The following SRPK2 variants were observed in gnomAD, a reference collection of about 807,000 sequenced individuals.
SRPK2 encodes SFRS protein kinase 2.
A neutral mutation model predicts 90.8 loss-of-function variants in SRPK2; 21 were observed. The observed-to-expected ratio is 0.23, with a 90% CI of 0.16 to 0.33. The LOEUF is 0.33. Among genes scored for constraint, SRPK2 ranks in the 10% least tolerant of loss-of-function variants. SRPK2 has a pLI of 1.00. For missense variants in SRPK2, 620 were observed against 869.0 expected, an observed-to-expected ratio of 0.71 and a Z score of 3.60; for synonymous variants, 288 against 311.1, an observed-to-expected ratio of 0.93 and a Z score of 0.78.
At position 105,317,627 on chromosome 7, in the gene SRPK2, C is replaced by A. The variant is rs1192732400; in HGVS notation, c.71+71021G>T. On this transcript the variant is annotated intron_variant, in intron 2 of 15. Coordinates refer to ENST00000393651, the MANE Select transcript of SRPK2 (RefSeq NM_182692.3). ...GGTTGAATATTTTCTTCATATATTT[C>A]AACAAAAATAACATATCACAACAGA... Among the ~76,000 whole-genome samples the A allele has an allele frequency of 2.6e-5, 4 of 152,196 alleles. No homozygotes were observed. The South Asian group carries it at 6.2e-4, about 24-fold the overall frequency.
At chr7:105,316,327 C>T (rs936443242) in intron 2 of SRPK2, among the ~76,000 whole-genome samples, 1 of 152,108 alleles carries the variant, frequency 6.6e-6, no homozygotes, top group Non-Finnish European at 1.5e-5. Context: ...AATTACTGTG[C>T]ATTAAGGCCT....
intron 3 of SRPK2, among the ~76,000 whole-genome samples, chr7:105,188,986 AG>A (rs1448036846): frequency 6.6e-6 from 1 of 152,138 alleles, no homozygotes; most frequent in Non-Finnish European, 1.5e-5. Flanking sequence ...GGGTGGAGGG[AG>A]GAAGGGACAG....
chr7:105,207,737 T>C (rs1796386499), intron 2 of SRPK2, among the ~76,000 whole-genome samples: 1 of 152,166 alleles, frequency 6.6e-6, no homozygotes, highest in Non-Finnish European at 1.5e-5. Flanking sequence ...TTCACGACCT[T>C]AGGTTAGGCA....
chr7:105,346,771 AACAACAACAAACCC>A (rs1447700946), intron 2 of SRPK2, among the ~76,000 whole-genome samples: 2 of 151,620 alleles, frequency 1.3e-5, no homozygotes, highest in African/African-American at 4.8e-5. Flanking sequence ...AAAAACAAGC[AACAACAACAAACCC>A]ACAAAAGCCA....
intron 2 of SRPK2, among the ~76,000 whole-genome samples, chr7:105,262,727 G>A (rs60919814): frequency 0.047 from 7,136 of 152,174 alleles, 261 homozygotes; most frequent in East Asian, 0.14. Context: ...CTCATGTTCA[G>A]AAATAGTCCA....
intron 2 of SRPK2, among the ~76,000 whole-genome samples, chr7:105,299,804 G>C (rs1257730838): frequency 6.6e-6 from 1 of 152,162 alleles, no homozygotes; most frequent in African/African-American, 2.4e-5. Flanking sequence ...TGAGGCAGGA[G>C]AATCGCTTGA....
intron 2 of SRPK2, among the ~76,000 whole-genome samples, chr7:105,226,653 C>G (rs949595773): frequency 6.6e-6 from 1 of 151,986 alleles, no homozygotes; most frequent in Non-Finnish European, 1.5e-5. Flanking sequence ...AAAAGAAGGC[C>G]TTTTTTCAAG....
chr7:105,189,225 C>G (rs949814299), intron 3 of SRPK2: 2 of 154,112 alleles, frequency 1.3e-5, no homozygotes, highest in African/African-American at 4.8e-5. Context: ...TCTACTCCAC[C>G]CTCATTCTTC....
chr7:105,126,063 C>A (rs1475587610), intron 15 of SRPK2, among the ~76,000 whole-genome samples, 185 bp downstream of exon 15: 1 of 152,168 alleles, frequency 6.6e-6, no homozygotes, highest in Non-Finnish European at 1.5e-5. Flanking sequence ...GGCTGGTGAA[C>A]AGGGTGACCG....
intron 3 of SRPK2, among the ~76,000 whole-genome samples, chr7:105,171,561 T>C (rs1193760336): frequency 1.3e-5 from 2 of 152,250 alleles, no homozygotes; most frequent in Non-Finnish European, 2.9e-5. Context: ...TTATAGGAAG[T>C]ATCTAACCAG....
rs1791040952 is a variant in SRPK2, at chr7:105,170,999, A to AAGAAAGAAAGAAAG, written c.230-1748_230-1735dup. On this transcript the variant is annotated intron_variant, in intron 3 of 15. Coordinates refer to ENST00000393651, the MANE Select transcript of SRPK2 (RefSeq NM_182692.3). ...AAAGAGAAAGAAAGAAAGAAAGAGA[A>AAGAAAGAAAGAAAG]AGAAAGAAAGAAAGAGAGGAAGGAA... is the stretch of plus-strand genomic sequence containing the variant. Among the ~76,000 whole-genome samples the AAGAAAGAAAGAAAG allele has an allele frequency of 2.3e-5, 3 of 130,158 alleles. 1 individual carries two copies. The highest frequency in any genetic ancestry group is 5.3e-5 in the Non-Finnish European group (3 of 57,050). 85.4% of individuals were successfully genotyped at this position (130,158 alleles called of 152,430 possible). A position where few individuals can be genotyped will look rare whatever the true frequency, so the allele number is the denominator to read the frequency against.
intron 2 of SRPK2, among the ~76,000 whole-genome samples, chr7:105,352,131 C>T (rs1043149674): frequency 3.3e-5 from 5 of 152,144 alleles, no homozygotes; most frequent in African/African-American, 7.2e-5. Context: ...TTTAACTCTT[C>T]ACCACTGTTT....
chr7:105,179,707 C>T (rs1222186270), intron 3 of SRPK2, among the ~76,000 whole-genome samples: 1 of 150,796 alleles, frequency 6.6e-6, no homozygotes, highest in Non-Finnish European at 1.5e-5. Context: ...TGCCTTTAAT[C>T]CTAGCTACTG....
intron 2 of SRPK2, among the ~76,000 whole-genome samples, chr7:105,226,979 C>T (rs185263559): frequency 7.9e-4 from 120 of 152,290 alleles, no homozygotes; most frequent in Non-Finnish European, 1.3e-3. Context: ...GCAGTGATTT[C>T]TGTCATCTGC....
intron 2 of SRPK2, among the ~76,000 whole-genome samples, chr7:105,278,665 G>A (rs145056696): frequency 0.017 from 2,547 of 151,472 alleles, 74 homozygotes; most frequent in African/African-American, 0.059. Flanking sequence ...CAGCCTGGGC[G>A]ACAGAGCCAG....
intron 2 of SRPK2, among the ~76,000 whole-genome samples, chr7:105,216,123 T>C (rs899654596): frequency 7.9e-5 from 12 of 151,454 alleles, no homozygotes; most frequent in African/African-American, 2.9e-4. Flanking sequence ...CAACTCTGAG[T>C]ATACTGAAAA....
intron 7 of SRPK2, among the ~76,000 whole-genome samples, chr7:105,159,464 A>AAAAAAAAAAACAAAAAAAAAAAC (rs1807168874): frequency 3.5e-5 from 5 of 141,594 alleles, no homozygotes; most frequent in African/African-American, 1.5e-4. Context: ...AAAAAAAAAA[A>AAAAAAAAAAACAAAAAAAAAAAC]AAAAAAAAAC....
At chr7:105,247,427 G>A (rs900962604) in intron 2 of SRPK2, among the ~76,000 whole-genome samples, 4 of 151,806 alleles carry the variant, frequency 2.6e-5, no homozygotes, top group Admixed American at 6.6e-5. Context: ...AGTAAATGAC[G>A]ATGTCCTTTA....
intron 3 of SRPK2, among the ~76,000 whole-genome samples, chr7:105,179,237 T>C (rs560288843): frequency 1.3e-4 from 20 of 152,260 alleles, no homozygotes; most frequent in African/African-American, 4.8e-4. Context: ...GCATTGGCAT[T>C]TACTACTATA....
Sources: allele counts gnomAD v4.1 joint callset (sites outside exome capture counted in the v4.1 genomes callset), GRCh38; gene constraint gnomAD v4.1.1; transcripts MANE v1.5; gene names NCBI Gene and HGNC (gene_info 2026-07-23, HGNC 2026-07-21).